Variants in LUC7L3 observed in about 807,000 individuals in gnomAD.
LUC7L3 encodes luc7-like protein 3.
In LUC7L3, 6 loss-of-function variants were observed where a neutral mutation model predicts 66.8. The observed-to-expected ratio is 0.09, with a 90% CI of 0.05 to 0.18. The LOEUF is 0.18. Ranked by LOEUF, LUC7L3 falls within the 10% of genes least tolerant of loss-of-function variation. The pLI is 1.00. For missense variants in LUC7L3, 341 were observed against 531.1 expected, an observed-to-expected ratio of 0.64 and a Z score of 3.52; for synonymous variants, 160 against 174.7, an observed-to-expected ratio of 0.92 and a Z score of 0.66.
intron 1 of LUC7L3, among the ~76,000 whole-genome samples, chr17:50,735,904 G>T (rs760371354): frequency 1.3e-5 from 2 of 152,180 alleles, no homozygotes; most frequent in Non-Finnish European, 2.9e-5. Context: ...AGGCCAAGAC[G>T]GGCAAATCAC....
intron 1 of LUC7L3, among the ~76,000 whole-genome samples, chr17:50,734,151 G>T (rs1199336965): frequency 1.4e-5 from 2 of 147,530 alleles, no homozygotes; most frequent in African/African-American, 5.1e-5. Flanking sequence ...AAGTTACAAA[G>T]AATAATCTTT....
chr17:50,721,342 T>C (rs1262902776), intron 1 of LUC7L3, among the ~76,000 whole-genome samples: 1 of 152,202 alleles, frequency 6.6e-6, no homozygotes, highest in Non-Finnish European at 1.5e-5. Flanking sequence ...GAAACTGTTT[T>C]CTTTCCCGGG....
intron 1 of LUC7L3, among the ~76,000 whole-genome samples, chr17:50,721,907 GTT>G (rs552019771): frequency 7.0e-6 from 1 of 143,736 alleles, no homozygotes. Flanking sequence ...TGGGGCCCTT[GTT>G]TTTTTTTTTG....
At chr17:50,746,860 C>T (rs1970700448) in intron 9 of LUC7L3, among the ~76,000 whole-genome samples, 158 bp downstream of exon 9, 1 of 152,192 alleles carries the variant, frequency 6.6e-6, no homozygotes, top group African/African-American at 2.4e-5. Context: ...TTCCCCCTCT[C>T]CTACTTAGAT....
chr17:50,720,597 G>C (rs1013246066), intron 1 of LUC7L3, among the ~76,000 whole-genome samples: 1 of 152,202 alleles, frequency 6.6e-6, no homozygotes, highest in African/African-American at 2.4e-5. Context: ...AGCATTTCAA[G>C]TGTTTTGATC....
chr17:50,751,225 A>G lies in LUC7L3; in HGVS notation c.*564A>G. On this transcript the variant is annotated 3_prime_UTR_variant, in exon 10 of 10. Transcript: ENST00000505658. ...AATGCAGTTTGTTCTGTAACTCGAG[A>G]GCCAGTAGCATTGGATTGATGGAAG... 7.1e-7 allele frequency: 1 copy of G among 1,416,654 alleles called. No homozygotes were observed. The highest frequency in any genetic ancestry group is 9.3e-7 in the Non-Finnish European group (1 of 1,072,064). The allele number at this position is 1,416,654 out of a possible 1,614,324, so 87.8% of individuals were successfully genotyped here. A position where few individuals can be genotyped will look rare whatever the true frequency, so the allele number is the denominator to read the frequency against.
At chr17:50,735,800 C>T (rs527299305) in intron 1 of LUC7L3, among the ~76,000 whole-genome samples, 4 of 152,098 alleles carry the variant, frequency 2.6e-5, no homozygotes, top group Non-Finnish European at 4.4e-5. Flanking sequence ...GCCTGACCAA[C>T]GCTGCCTTTT....
At chr17:50,724,000 A>C (rs1166738140) in intron 1 of LUC7L3, 1 of 454,392 alleles carries the variant, frequency 2.2e-6, no homozygotes, top group Middle Eastern at 3.3e-4. Flanking sequence ...CCAGCAGTCC[A>C]TGTGTTATAT....
At chr17:50,734,777 T>C (rs371116578) in intron 1 of LUC7L3, among the ~76,000 whole-genome samples, 3 of 152,204 alleles carry the variant, frequency 2.0e-5, no homozygotes, top group South Asian at 2.1e-4. Context: ...CTTAAACTTA[T>C]GGAACAATAG....
At chr17:50,726,003 G>T (rs1003699347) in intron 1 of LUC7L3, among the ~76,000 whole-genome samples, 1 of 152,178 alleles carries the variant, frequency 6.6e-6, no homozygotes, top group Non-Finnish European at 1.5e-5. Context: ...GTGAGCTCAA[G>T]TGTTGCCAGG....
At chr17:50,736,861 A>G in intron 1 of LUC7L3, 99 bp from the exon 2 acceptor site, 1 of 732,504 alleles carries the variant, frequency 1.4e-6, no homozygotes, top group Non-Finnish European at 2.4e-6. Context: ...GTTGAAACAT[A>G]CATACCTCAA....
At chr17:50,750,171 GCTGT>G in intron 9 of LUC7L3, among the ~76,000 whole-genome samples, 1 of 152,022 alleles carries the variant, frequency 6.6e-6, no homozygotes, top group Non-Finnish European at 1.5e-5. Context: ...AGTTTTGTAT[GCTGT>G]CTTTTATACC....
intron 7 of LUC7L3, 89 bp from the exon 8 acceptor site, chr17:50,745,631 T>C: frequency 1.1e-6 from 1 of 947,544 alleles, no homozygotes; most frequent in Admixed American, 2.5e-5. Flanking sequence ...TTCCATAAGT[T>C]GGTCTACAGA....
At chr17:50,740,226 GA>G (rs1027598153) in intron 2 of LUC7L3, 79 bp from the exon 3 acceptor site, 2 of 1,111,148 alleles carry the variant, frequency 1.8e-6, no homozygotes, top group African/African-American at 3.3e-5. Context: ...TTTTTAAAAA[GA>G]AAAATAACTC....
intron 9 of LUC7L3, chr17:50,749,180 A>G: frequency 7.8e-7 from 1 of 1,280,632 alleles, no homozygotes; most frequent in Non-Finnish European, 1.0e-6. Context: ...CAAATTGTGG[A>G]TGTCCTTAGG....
At chr17:50,738,901 G>A (rs1055371) in intron 2 of LUC7L3, among the ~76,000 whole-genome samples, 45,056 of 152,002 alleles carry the variant, frequency 0.3, 6,759 homozygotes, top group Middle Eastern at 0.36. Context: ...ACACGGGGGT[G>A]GTGGGGGTGG....
chr17:50,728,424 G>A (rs1969344103), intron 1 of LUC7L3, among the ~76,000 whole-genome samples: 1 of 152,020 alleles, frequency 6.6e-6, no homozygotes, highest in African/African-American at 2.4e-5. Flanking sequence ...TATTTCTTTG[G>A]GGGTTTATCT....
At chr17:50,732,607 G>A (rs1271065449) in intron 1 of LUC7L3, among the ~76,000 whole-genome samples, 3 of 150,014 alleles carry the variant, frequency 2.0e-5, no homozygotes, top group African/African-American at 7.4e-5. Flanking sequence ...TGTTGCCCAG[G>A]CTAGGCTCAA....
At chr17:50,736,917 A>C (rs760021874) in intron 1 of LUC7L3, 43 bp from the exon 2 acceptor site, 13 of 1,336,522 alleles carry the variant, frequency 9.7e-6, no homozygotes, top group Non-Finnish European at 1.3e-5. Context: ...ATAAAGTTTT[A>C]AAACCAAGCA....
Sources: gnomAD v4.1 joint callset for allele counts (sites outside exome capture counted in the v4.1 genomes callset) on GRCh38, gnomAD v4.1.1 for gene constraint, MANE v1.5 for transcripts, NCBI Gene and HGNC (gene_info 2026-07-23, HGNC 2026-07-21) for gene names.